Variants in INPP4B observed in about 807,000 individuals in gnomAD.
The protein encoded by INPP4B is inositol polyphosphate 4-phosphatase type II.
INPP4B carries 55 observed loss-of-function variants against 122.5 expected under a neutral mutation model. The ratio of observed to expected loss-of-function variants is 0.45; its 90% confidence interval spans 0.36 to 0.56. The LOEUF is 0.56. Among genes scored for constraint, INPP4B ranks in the 20% least tolerant of loss-of-function variants. The pLI, the probability that INPP4B is intolerant of heterozygous loss-of-function variation, is 0.00. For synonymous variants in INPP4B, 403 were observed against 388.7 expected, an observed-to-expected ratio of 1.04 and a Z score of -0.43; for missense variants, 1,000 against 1,097.7, an observed-to-expected ratio of 0.91 and a Z score of 1.26.
At chr4:142,704,414 G>C (rs1396478599) in intron 2 of INPP4B, among the ~76,000 whole-genome samples, 2 of 152,246 alleles carry the variant, frequency 1.3e-5, no homozygotes, top group East Asian at 3.9e-4. Flanking sequence ...ACTACCCCTT[G>C]AGACATCAAC....
chr4:142,844,129 T>C (rs903904760), intron 1 of INPP4B, among the ~76,000 whole-genome samples: 1 of 152,170 alleles, frequency 6.6e-6, no homozygotes, highest in Non-Finnish European at 1.5e-5. Context: ...AAACACAACA[T>C]TTTAAAAGTA....
At chr4:142,392,663 C>A (rs931720703) in intron 7 of INPP4B, among the ~76,000 whole-genome samples, 3 of 152,164 alleles carry the variant, frequency 2.0e-5, no homozygotes, top group African/African-American at 7.2e-5. Flanking sequence ...AGAAATGTAT[C>A]CCTCACGATA....
At chr4:142,803,004 T>C (rs543678335) in intron 1 of INPP4B, among the ~76,000 whole-genome samples, 2 of 151,758 alleles carry the variant, frequency 1.3e-5, no homozygotes, top group East Asian at 3.9e-4. Flanking sequence ...ACCTCGTCTC[T>C]ACTAAAAATA....
At chr4:142,624,781 A>C (rs778003342) in intron 2 of INPP4B, among the ~76,000 whole-genome samples, 32 of 151,830 alleles carry the variant, frequency 2.1e-4, no homozygotes, top group African/African-American at 6.8e-4. Flanking sequence ...AGCTTATCCA[A>C]CATGATCAAG....
At position 142,082,077 on chromosome 4, in the gene INPP4B, G is replaced by A; in HGVS notation, c.2596C>T (p.Gln866Ter). The part of the protein sequence containing the change: ...EQCSILRDEH[Q>*]LHKDFFIRAL... ...CGGATAAAGAAGTCCTTGTGTAACT[G>A]GTGCTCATCTCTCAAGATTGAGCAT... The change falls in exon 25 of 26, where the codon CAG (glutamine) becomes TAG (stop). Residue 866 changes from glutamine (Q) to a stop codon, truncating the protein, a stop_gained. Coordinates refer to ENST00000262992, the MANE Select transcript of INPP4B (RefSeq NM_001101669.3). LOFTEE classifies it high-confidence loss of function. The A allele has an allele frequency of 6.7e-7, 1 of 1,485,276 alleles. No homozygotes were observed. The highest frequency in any genetic ancestry group is 9.1e-7 in the Non-Finnish European group (1 of 1,093,122). The allele number at this position is 1,485,276 out of a possible 1,614,324, so 92.0% of individuals were successfully genotyped here.
At position 142,146,585 on chromosome 4, in the gene INPP4B, T is replaced by G. The variant is rs573521174; in HGVS notation, c.1564-589A>C. ...CCCTTGGCAACCACATTTTGCTTTCTGTCCCTGTGAATTTGACTATTCTAG... is the reference window on the plus strand; with the variant it reads ...CCCTTGGCAACCACATTTTGCTTTCGGTCCCTGTGAATTTGACTATTCTAG... On this transcript the variant is annotated intron_variant, in intron 17 of 25. Coordinates refer to ENST00000262992, the MANE Select transcript of INPP4B (RefSeq NM_001101669.3). 2.6e-5 allele frequency among the ~76,000 whole-genome samples: 4 copies of G among 152,296 alleles called. No individual in the cohort carries two copies. The East Asian group carries it at 7.7e-4, about 29-fold the overall frequency.
chr4:142,757,015 T>A (rs1200922390), intron 1 of INPP4B, among the ~76,000 whole-genome samples: 2 of 152,192 alleles, frequency 1.3e-5, no homozygotes, highest in Non-Finnish European at 2.9e-5. Flanking sequence ...AACATTATGG[T>A]ATCTTACCTT....
intron 2 of INPP4B, among the ~76,000 whole-genome samples, chr4:142,501,699 C>T (rs1290590881): frequency 6.6e-6 from 1 of 151,778 alleles, no homozygotes; most frequent in Non-Finnish European, 1.5e-5. Flanking sequence ...AGAAAAAAAT[C>T]TAAATAAGCA....
intron 2 of INPP4B, among the ~76,000 whole-genome samples, chr4:142,515,864 T>G (rs1825360168): frequency 6.6e-6 from 1 of 152,186 alleles, no homozygotes; most frequent in African/African-American, 2.4e-5. Context: ...AAAATTTAAA[T>G]GCTTGTTTTA....
chr4:142,112,798 T>A, intron 21 of INPP4B, 116 bp from the exon 22 acceptor site: 1 of 862,870 alleles, frequency 1.2e-6, no homozygotes, highest in Non-Finnish European at 1.7e-6. Flanking sequence ...TAGGTTTCTG[T>A]TGCTATATGC....
At chr4:142,329,734 T>A (rs1017287512) in intron 7 of INPP4B, among the ~76,000 whole-genome samples, 1 of 152,202 alleles carries the variant, frequency 6.6e-6, no homozygotes, top group Non-Finnish European at 1.5e-5. Flanking sequence ...TGACAGAGAA[T>A]TAAAGTGAGT....
At chr4:142,340,587 T>C (rs542315304) in intron 7 of INPP4B, among the ~76,000 whole-genome samples, 1 of 152,180 alleles carries the variant, frequency 6.6e-6, no homozygotes, top group Admixed American at 6.5e-5. Flanking sequence ...TTTTAAAAAA[T>C]TGTTTTGTAG....
chr4:142,845,439 T>A (rs950086350), intron 1 of INPP4B, among the ~76,000 whole-genome samples: 2 of 152,088 alleles, frequency 1.3e-5, no homozygotes, highest in African/African-American at 2.4e-5. Context: ...TGCAGCATAG[T>A]TCTCAGACCC....
At chr4:142,380,271 C>A (rs1437511080) in intron 7 of INPP4B, among the ~76,000 whole-genome samples, 1 of 152,138 alleles carries the variant, frequency 6.6e-6, no homozygotes, top group Non-Finnish European at 1.5e-5. Context: ...CAAGGAGTTC[C>A]CTGGGGCTTC....
At chr4:142,386,284 T>C (rs1795934325) in intron 7 of INPP4B, among the ~76,000 whole-genome samples, 1 of 152,184 alleles carries the variant, frequency 6.6e-6, no homozygotes, top group African/African-American at 2.4e-5. Flanking sequence ...ATTGATGAAC[T>C]CTTAGGTTGC....
intron 14 of INPP4B, among the ~76,000 whole-genome samples, chr4:142,207,255 G>A (rs1842942233): frequency 6.6e-6 from 1 of 152,154 alleles, no homozygotes; most frequent in African/African-American, 2.4e-5. Context: ...ATGTGGGAGT[G>A]CAAACATCTC....
chr4:142,598,871 G>A (rs1437885364), intron 2 of INPP4B, among the ~76,000 whole-genome samples: 1 of 152,198 alleles, frequency 6.6e-6, no homozygotes, highest in Non-Finnish European at 1.5e-5. Flanking sequence ...TGCTGCTAGA[G>A]GCTGAGGTAG....
chr4:142,578,216 A>T (rs574244677), intron 2 of INPP4B, among the ~76,000 whole-genome samples: 1 of 152,004 alleles, frequency 6.6e-6, no homozygotes, highest in Non-Finnish European at 1.5e-5. Context: ...TCTCATCTTC[A>T]TCACAGAAAA....
At chr4:142,480,446 G>C (rs575059022) in intron 2 of INPP4B, among the ~76,000 whole-genome samples, 1 of 152,218 alleles carries the variant, frequency 6.6e-6, no homozygotes, top group African/African-American at 2.4e-5. Context: ...CAGGAGACTA[G>C]GAATGAGGGA....
Sources: gnomAD v4.1 joint callset for allele counts (sites outside exome capture counted in the v4.1 genomes callset) on GRCh38, gnomAD v4.1.1 for gene constraint, MANE v1.5 for transcripts, NCBI Gene and HGNC (gene_info 2026-07-23, HGNC 2026-07-21) for gene names.